Variants in SF3A3 observed in about 807,000 individuals in gnomAD.
The protein encoded by SF3A3 is splicing factor 3a subunit 3.
A neutral mutation model predicts 85.8 loss-of-function variants in SF3A3; 9 were observed. The ratio of observed to expected loss-of-function variants is 0.10; its 90% CI spans 0.06 to 0.18. The LOEUF (loss-of-function observed/expected upper bound fraction) is 0.18. SF3A3 is among the 10% of genes least tolerant of loss of function. The probability of loss-of-function intolerance (pLI) is 1.00; values close to 1 mark genes in which losing one functional copy is unlikely to be tolerated. For synonymous variants in SF3A3, 195 were observed against 204.4 expected (o/e 0.95, Z 0.39); for missense variants, 306 against 593.3 (o/e 0.52, Z 5.03).
chr1:37,983,454 A>G (rs912282418), intron 6 of SF3A3, among the ~76,000 whole-genome samples: 2 of 150,716 alleles, frequency 1.3e-5, no homozygotes, highest in Non-Finnish European at 3.0e-5. Flanking sequence ...GCATGGTGGC[A>G]CACGCCTGTA....
In SF3A3 at chr1:37,984,708, T is replaced by C; in HGVS notation, c.375A>G (p.Gln125=). Residue 125 remains glutamine, a splice_region_variant and synonymous_variant, in exon 5 of 17, where the codon CAA becomes CAG. Transcript: ENST00000373019. ...AATGAAATTTTCACCCCTACTTACT[T>C]TGTGCCTCTTCACTTGGATTCTCTC... The part of the protein sequence containing the change: ...KARENPSEEA[Q]NLVEFTDEEG... 6.2e-7 allele frequency: 1 copy of C among 1,610,638 alleles called. No homozygotes were observed. Among genetic ancestry groups the C allele is most frequent in the Non-Finnish European group, 8.5e-7 (1 of 1,176,784 alleles).
At chr1:37,960,465 T>C (rs1646249262) in intron 15 of SF3A3, 1 of 380,904 alleles carries the variant, frequency 2.6e-6, no homozygotes, top group East Asian at 3.8e-5. Context: ...TGGAACAACC[T>C]ATGAGAATAA....
At chr1:37,987,232 C>T (rs1309312855) in intron 4 of SF3A3, among the ~76,000 whole-genome samples, 1 of 152,180 alleles carries the variant, frequency 6.6e-6, no homozygotes, top group African/African-American at 2.4e-5. Flanking sequence ...GCACATGCCA[C>T]CATGCCTGGC....
At chr1:37,977,788 G>A (rs556062978) in intron 11 of SF3A3, among the ~76,000 whole-genome samples, 1 of 152,036 alleles carries the variant, frequency 6.6e-6, no homozygotes, top group East Asian at 1.9e-4. Flanking sequence ...GCAGCGAGCC[G>A]AGATTGCGCC....
At chr1:37,979,387 G>T in intron 9 of SF3A3, 78 bp downstream of exon 9, 1 of 1,074,386 alleles carries the variant, frequency 9.3e-7, no homozygotes, top group Non-Finnish European at 1.4e-6. Context: ...CACAACCATG[G>T]TATTAAAGAC....
intron 16 of SF3A3, among the ~76,000 whole-genome samples, chr1:37,958,867 T>C (rs1376928323): frequency 1.3e-5 from 2 of 152,178 alleles, no homozygotes; most frequent in Non-Finnish European, 2.9e-5. Flanking sequence ...CTTACATACA[T>C]GTCATTCTTG....
At position 37,965,806 on chromosome 1, in the gene SF3A3, T is replaced by A. The variant is rs1469043491; in HGVS notation, c.1372+2238A>T. ...CTGCTAAACATAACTGAGAGTAAAG[T>A]GCCTGTAATTTAACAGTGGGGGGTG... On this transcript the variant is annotated intron_variant, in intron 15 of 16. Coordinates refer to ENST00000373019, the MANE Select transcript of SF3A3 (RefSeq NM_006802.4). 2.5e-5 allele frequency among the ~76,000 whole-genome samples: 3 copies of A among 120,120 alleles called. No individual in the cohort carries two copies. The Admixed American group carries it at 3.3e-4, about 13-fold the overall frequency. The allele number at this position is 120,120 out of a possible 152,430, so 78.8% of individuals were successfully genotyped here. A position where few individuals can be genotyped will look rare whatever the true frequency, so the allele number is the denominator to read the frequency against.
chr1:37,963,915 CTCA>C (rs1181539089), intron 15 of SF3A3, among the ~76,000 whole-genome samples: 2 of 141,940 alleles, frequency 1.4e-5, no homozygotes, highest in Non-Finnish European at 3.0e-5. Flanking sequence ...AGCATGGTGG[CTCA>C]TGCCTGTAAT....
intron 6 of SF3A3, 106 bp downstream of exon 6, chr1:37,984,063 A>C (rs1471154828): frequency 1.8e-6 from 1 of 562,832 alleles, no homozygotes; most frequent in Non-Finnish European, 3.2e-6. Flanking sequence ...AAGAGTTTTA[A>C]AACACAAGGA....
At chr1:37,961,571 T>G (rs28439028) in intron 15 of SF3A3, among the ~76,000 whole-genome samples, 1 of 151,306 alleles carries the variant, frequency 6.6e-6, no homozygotes, top group African/African-American at 2.4e-5. Context: ...GCAACAAGAG[T>G]GGAACTCCGT....
At chr1:37,970,021 C>A (rs1359288876) in intron 12 of SF3A3, among the ~76,000 whole-genome samples, 1 of 152,166 alleles carries the variant, frequency 6.6e-6, no homozygotes, top group Non-Finnish European at 1.5e-5. Context: ...AAAATATTTC[C>A]TGGCTGGGTG....
intron 14 of SF3A3, among the ~76,000 whole-genome samples, chr1:37,968,667 C>G (rs1646318996): frequency 6.6e-6 from 1 of 152,156 alleles, no homozygotes; most frequent in Non-Finnish European, 1.5e-5. Context: ...CAACTCCAAT[C>G]ATTGTAGGAG....
chr1:37,984,774 A>G lies in SF3A3; in HGVS notation c.309T>C (p.Cys103=), dbSNP rs149586557. The stretch of plus-strand genomic sequence containing the variant: ...CCTCAAATTCCACTGACATTGGCAC[A>G]CAGATCTGAGGGGAAAAGTAAAAGC... The part of the protein sequence containing the change: ...EFHRKHPNEI[C]VPMSVEFEEL... The change falls in exon 5 of 17, where the codon TGT becomes TGC. Residue 103 remains cysteine, a synonymous_variant. Transcript: ENST00000373019. 92 of 1,613,222 alleles carry G rather than the reference A, an allele frequency of 5.7e-5. 1 individual carries two copies. Among genetic ancestry groups the G allele is most frequent in the Non-Finnish European group, 7.2e-5 (85 of 1,179,360 alleles).
chr1:37,979,400 G>A (rs866193011), intron 9 of SF3A3, 65 bp downstream of exon 9: 9 of 1,168,896 alleles, frequency 7.7e-6, no homozygotes, highest in Middle Eastern at 1.9e-4. Flanking sequence ...TTAAAGACAG[G>A]AGAGCAGTCT....
Position 37,987,646 on chromosome 1 carries a change from C to G in SF3A3, c.230G>C (p.Gly77Ala), listed in dbSNP as rs1646465943. The G allele has an allele frequency of 6.2e-7, 1 of 1,614,042 alleles. No individual in the cohort carries two copies. Among genetic ancestry groups the G allele is most frequent in the Non-Finnish European group, 8.5e-7 (1 of 1,179,994 alleles). Reference protein sequence around the residue: ...LRKEELNAISGPNEFAEFYNR... With the variant: ...LRKEELNAISAPNEFAEFYNR... ...ATAGAATTCAGCAAACTCATTGGGT[C>G]CTGAAATGGCATTGAGCTCCTCCTT... Residue 77 changes from glycine to alanine, a missense_variant, in exon 4 of 17, where the codon GGA becomes GCA. Gly to Ala is a moderately conservative substitution (Grantham distance 60, BLOSUM62 0). This residue lies in a region of SF3A3 where 152 missense variants were observed against 192.0 expected (regional missense o/e 0.79). Transcript: ENST00000373019.
chr1:37,979,229 T>C, intron 9 of SF3A3, 174 bp from the exon 10 acceptor site: 1 of 634,198 alleles, frequency 1.6e-6, no homozygotes, highest in South Asian at 2.0e-5. Context: ...TCTTCAGACT[T>C]AACCATACTG....
In SF3A3 at chr1:37,976,968, C is replaced by T. The variant is rs753427956; in HGVS notation, c.936-15G>A. On this transcript the variant is annotated splice_polypyrimidine_tract_variant and intron_variant, in intron 11 of 16. Coordinates refer to ENST00000373019, the MANE Select transcript of SF3A3 (RefSeq NM_006802.4). ...TTTCAGTGTCTCTGAGAAAAAGAAA[C>T]AAGCTGTTTCACTCAAGGATTCTCT... 1.6e-5 allele frequency: 25 copies of T among 1,587,252 alleles called. No homozygotes were observed. The highest frequency in any genetic ancestry group is 2.1e-5 in the Non-Finnish European group (24 of 1,156,058).
intron 12 of SF3A3, among the ~76,000 whole-genome samples, chr1:37,971,282 T>A (rs1035034206): frequency 3.3e-5 from 5 of 152,054 alleles, no homozygotes; most frequent in Non-Finnish European, 7.4e-5. Flanking sequence ...CCTGGACACA[T>A]ACACCCTCCC....
chr1:37,968,177 A>G lies in SF3A3; in HGVS notation c.1282-43T>C, dbSNP rs746665457. ...CAAAAGGATCATGTGAAATGGGAAT[A>G]GCTGAACACAGAGCACTAACTCCAT... On this transcript the variant is annotated intron_variant, in intron 14 of 16. Coordinates refer to ENST00000373019, the MANE Select transcript of SF3A3 (RefSeq NM_006802.4). 1.2e-5 allele frequency: 14 copies of G among 1,177,310 alleles called. No individual in the cohort carries two copies. The South Asian group carries it at 1.6e-4, about 13-fold the overall frequency. 72.9% of individuals were successfully genotyped at this position (1,177,310 alleles called of 1,614,324 possible).
Sources: gnomAD v4.1 joint callset for allele counts (sites outside exome capture counted in the v4.1 genomes callset) on GRCh38, gnomAD v4.1.1 for gene constraint, gnomAD v4.1.1 regional missense constraint, MANE v1.5 for transcripts, NCBI Gene and HGNC (gene_info 2026-07-23, HGNC 2026-07-21) for gene names.